Variants in KREMEN1 observed in about 807,000 individuals in gnomAD.
KREMEN1 encodes kremen protein 1.
Under a neutral mutation model 46.5 loss-of-function variants are expected in KREMEN1, and 30 were observed. The ratio of observed to expected loss-of-function variants is 0.65; its 90% confidence interval spans 0.48 to 0.88. KREMEN1 has a LOEUF of 0.88. KREMEN1 is among the 40% of genes least tolerant of loss of function. The pLI, the probability that KREMEN1 is intolerant of heterozygous loss-of-function variation, is 0.00. For missense variants in KREMEN1, 533 were observed against 596.9 expected (o/e 0.89, Z 1.11); for synonymous variants, 214 against 230.6 (o/e 0.93, Z 0.65).
At chr22:29,096,183 A>G (rs1450590796) in intron 2 of KREMEN1, among the ~76,000 whole-genome samples, 1 of 152,180 alleles carries the variant, frequency 6.6e-6, no homozygotes, top group East Asian at 1.9e-4. Flanking sequence ...TCATAGGAAT[A>G]GTTGGTTGGG....
At chr22:29,160,457 T>C (rs1423615910) in intron 9 of KREMEN1, among the ~76,000 whole-genome samples, 6 of 149,604 alleles carry the variant, frequency 4.0e-5, no homozygotes, top group Non-Finnish European at 4.4e-5. Flanking sequence ...GGAGAATCAC[T>C]TGAACCTGGG....
intron 9 of KREMEN1, among the ~76,000 whole-genome samples, chr22:29,162,019 G>A (rs982585517): frequency 2.0e-5 from 3 of 151,946 alleles, no homozygotes; most frequent in Non-Finnish European, 4.4e-5. Flanking sequence ...TCGGGAGGCT[G>A]AGGCAGGAGA....
chr22:29,160,874 A>G (rs2039004546), intron 9 of KREMEN1, among the ~76,000 whole-genome samples: 1 of 152,224 alleles, frequency 6.6e-6, no homozygotes, highest in Non-Finnish European at 1.5e-5. Context: ...AATAACTAAA[A>G]TCAGAGTAGA....
chr22:29,137,763 C>A (rs192630347), intron 6 of KREMEN1, 89 bp downstream of exon 6: 6 of 1,089,996 alleles, frequency 5.5e-6, no homozygotes, highest in Middle Eastern at 2.8e-4. Context: ...GCAGTTCTTG[C>A]GGGGCAGATT....
In KREMEN1 at chr22:29,137,552, T is replaced by C; in HGVS notation, c.842T>C (p.Leu281Pro). ...ELLDGYTHRV[L>P]ARFHGRSRPP... is the part of the protein sequence containing the mutation. ...CTGGATGGCTACACCCACCGTGTCC[T>C]AGCCCGCTTCCACGGGAGGAGCCGC... The change falls in exon 6 of 9, where the codon CTA becomes CCA. Residue 281 changes from leucine to proline, a missense_variant. Transcript: ENST00000400335. 6.2e-7 allele frequency: 1 copy of C among 1,613,886 alleles called. No individual in the cohort carries two copies. The highest frequency in any genetic ancestry group is 1.3e-5 in the African/African-American group (1 of 75,060).
At chr22:29,107,142 C>G (rs2145786377) in intron 3 of KREMEN1, among the ~76,000 whole-genome samples, 1 of 152,270 alleles carries the variant, frequency 6.6e-6, no homozygotes, top group South Asian at 2.1e-4. Flanking sequence ...TAGGTTCTCC[C>G]CCAATACCAT....
At chr22:29,130,385 T>C (rs2038513561) in intron 5 of KREMEN1, among the ~76,000 whole-genome samples, 1 of 152,184 alleles carries the variant, frequency 6.6e-6, no homozygotes, top group Non-Finnish European at 1.5e-5. Context: ...AATTCTGAGG[T>C]GCAACATTAT....
At chr22:29,094,811 G>C (rs1332079031) in intron 2 of KREMEN1, among the ~76,000 whole-genome samples, 6 of 151,952 alleles carry the variant, frequency 3.9e-5, no homozygotes, top group Non-Finnish European at 8.8e-5. Context: ...TTTTAGTAGA[G>C]ACAGGGTTTC....
chr22:29,122,615 A>T (rs2038372935), intron 4 of KREMEN1, among the ~76,000 whole-genome samples: 1 of 152,170 alleles, frequency 6.6e-6, no homozygotes, highest in Non-Finnish European at 1.5e-5. Context: ...ATACTGTGGA[A>T]TACCACTCAG....
chr22:29,084,201 C>T (rs1469053027), intron 1 of KREMEN1, among the ~76,000 whole-genome samples: 2 of 152,128 alleles, frequency 1.3e-5, no homozygotes, highest in Non-Finnish European at 2.9e-5. Context: ...AGGTCACTTT[C>T]ATCACTATCT....
At chr22:29,134,250 TG>T (rs2038620471) in intron 5 of KREMEN1, 1 of 152,110 alleles carries the variant, frequency 6.6e-6, no homozygotes, top group Non-Finnish European at 1.5e-5. Flanking sequence ...CTTGACCTGC[TG>T]GGCTCAAGTG....
At chr22:29,075,300 C>T (rs2037549072) in intron 1 of KREMEN1, among the ~76,000 whole-genome samples, 1 of 152,212 alleles carries the variant, frequency 6.6e-6, no homozygotes, top group Non-Finnish European at 1.5e-5. Flanking sequence ...ACTGGTTCCC[C>T]TTCTGGAAAG....
chr22:29,125,373 C>T lies in KREMEN1; in HGVS notation c.588C>T (p.His196=), dbSNP rs375838885. The part of the protein sequence containing the change: ...TECNSVCFGD[H]TQPCGGDGRI... ...GCAACAGCGTCTGCTTCGGGGATCA[C>T]ACCCAACCCTGTGGTGGCGATGGCA... The change falls in exon 5 of 9, where the codon CAC becomes CAT. Residue 196 remains histidine (H), a synonymous_variant. Coordinates refer to ENST00000400335, the MANE Select transcript of KREMEN1 (RefSeq NM_001039570.3). 11 of 1,614,108 alleles carry T rather than the reference C, an allele frequency of 6.8e-6. No individual in the cohort carries two copies. Among genetic ancestry groups the T allele is most frequent in the African/African-American group, 1.3e-5 (1 of 74,940 alleles).
At chr22:29,161,310 A>C (rs188043536) in intron 9 of KREMEN1, among the ~76,000 whole-genome samples, 423 of 151,936 alleles carry the variant, frequency 2.8e-3, no homozygotes, top group African/African-American at 9.4e-3. Context: ...GATCGAGACC[A>C]TCCTGGCTAA....
chr22:29,109,633 G>A (rs916864474), intron 3 of KREMEN1, among the ~76,000 whole-genome samples: 5 of 152,162 alleles, frequency 3.3e-5, no homozygotes, highest in Admixed American at 1.3e-4. Context: ...AAAGGAACCA[G>A]GTCAGACCTG....
At chr22:29,127,900 A>AT (rs2038471425) in intron 5 of KREMEN1, among the ~76,000 whole-genome samples, 1 of 152,240 alleles carries the variant, frequency 6.6e-6, no homozygotes, top group Non-Finnish European at 1.5e-5. Flanking sequence ...TTATTCAACC[A>AT]TAAAAATAAA....
intron 1 of KREMEN1, among the ~76,000 whole-genome samples, chr22:29,086,311 T>G (rs1172831218): frequency 6.6e-6 from 1 of 152,180 alleles, no homozygotes; most frequent in African/African-American, 2.4e-5. Flanking sequence ...CAAACCACAG[T>G]GTTAGCTGCT....
chr22:29,100,022 A>G (rs1569318122), intron 3 of KREMEN1, among the ~76,000 whole-genome samples: 1 of 152,072 alleles, frequency 6.6e-6, no homozygotes, highest in Non-Finnish European at 1.5e-5. Flanking sequence ...TCAGTCAGTT[A>G]CAGATCACAC....
chr22:29,142,653 G>A lies in KREMEN1; in HGVS notation c.*541G>A. The A allele has an allele frequency of 4.1e-6, 4 of 985,556 alleles. No homozygotes were observed. The highest frequency in any genetic ancestry group is 4.8e-6 in the Non-Finnish European group (4 of 830,032). The allele number at this position is 985,556 out of a possible 1,614,324, so 61.1% of individuals were successfully genotyped here. On this transcript the variant is annotated 3_prime_UTR_variant, in exon 9 of 9. Coordinates refer to ENST00000400335, the MANE Select transcript of KREMEN1 (RefSeq NM_001039570.3). ...TGGACATTAGCGAGGTGTAAAGAGGGCAGTGTCTGTGCTGCCCCGGCAGCT... is the reference window on the plus strand; with the variant it reads ...TGGACATTAGCGAGGTGTAAAGAGGACAGTGTCTGTGCTGCCCCGGCAGCT...
Sources: allele counts gnomAD v4.1 joint callset (sites outside exome capture counted in the v4.1 genomes callset), GRCh38; gene constraint gnomAD v4.1.1; transcripts MANE v1.5; gene names NCBI Gene and HGNC (gene_info 2026-07-23, HGNC 2026-07-21).